EFHD1: variants seen among roughly 807,000 people sequenced by gnomAD.
The protein encoded by EFHD1 is EF-hand domain family member D1.
In EFHD1, 10 loss-of-function variants were observed where a neutral mutation model predicts 17.2. That is an observed-to-expected ratio of 0.58 (90% CI 0.36 to 0.99). The LOEUF is 0.99. Among genes scored for constraint, EFHD1 ranks in the 50% least tolerant of loss-of-function variants. The probability of loss-of-function intolerance (pLI) is 0.01; values close to 1 mark genes in which losing one functional copy is unlikely to be tolerated. For synonymous variants in EFHD1, 153 were observed against 142.0 expected, an observed-to-expected ratio of 1.08 and a Z score of -0.55; for missense variants, 310 against 327.5, an observed-to-expected ratio of 0.95 and a Z score of 0.41.
intron 1 of EFHD1, among the ~76,000 whole-genome samples, chr2:232,646,120 C>G (rs1481424390): frequency 6.6e-6 from 1 of 152,212 alleles, no homozygotes. Flanking sequence ...CCGGGCTCAC[C>G]AGAGCCCAAG....
rs1272850256 is a variant in EFHD1 at position 232,682,141 on chromosome 2, TC to T, written c.*425del. On this transcript the variant is annotated 3_prime_UTR_variant, in exon 4 of 4. Coordinates refer to ENST00000264059, the MANE Select transcript of EFHD1 (RefSeq NM_025202.4). ...ACTCCTCTCTGCTTCACATTCAACT[TC>T]CCTGTTCTCATCTTTGGTAGGATTC... is the stretch of plus-strand genomic sequence containing the variant. 1 of 158,464 alleles carries T rather than the reference TC, an allele frequency of 6.3e-6. No individual in the cohort carries two copies. Among genetic ancestry groups the T allele is most frequent in the African/African-American group, 2.4e-5 (1 of 41,542 alleles). The allele number at this position is 158,464 out of a possible 1,614,324, so 9.8% of individuals were successfully genotyped here. A position where few individuals can be genotyped will look rare whatever the true frequency, so the allele number is the denominator to read the frequency against.
At chr2:232,607,390 C>A (rs1163884479) in intron 1 of EFHD1, among the ~76,000 whole-genome samples, 1 of 150,734 alleles carries the variant, frequency 6.6e-6, no homozygotes, top group Non-Finnish European at 1.5e-5. Context: ...GAGTTCAAGA[C>A]CAGCCTGGCC....
chr2:232,614,417 C>G (rs1217320354), intron 1 of EFHD1, among the ~76,000 whole-genome samples: 2 of 152,286 alleles, frequency 1.3e-5, no homozygotes, highest in East Asian at 3.9e-4. Flanking sequence ...TGGAGACAAC[C>G]AGGATGAAGA....
At chr2:232,655,556 G>T (rs1163160687) in intron 1 of EFHD1, among the ~76,000 whole-genome samples, 1 of 152,214 alleles carries the variant, frequency 6.6e-6, no homozygotes, top group East Asian at 1.9e-4. Context: ...CTTTGACTGG[G>T]ACTCCGTGTA....
intron 3 of EFHD1, among the ~76,000 whole-genome samples, chr2:232,674,683 C>G (rs1695138932): frequency 6.6e-6 from 1 of 152,012 alleles, no homozygotes; most frequent in Non-Finnish European, 1.5e-5. Flanking sequence ...TATAATGGCC[C>G]TCAATAAACA....
intron 3 of EFHD1, among the ~76,000 whole-genome samples, chr2:232,677,061 T>C (rs1228272979): frequency 6.6e-6 from 1 of 151,950 alleles, no homozygotes; most frequent in Non-Finnish European, 1.5e-5. Context: ...TCCCTGCCTC[T>C]AGGGATTATA....
chr2:232,656,513 C>T (rs555628186), intron 1 of EFHD1, among the ~76,000 whole-genome samples: 2 of 151,524 alleles, frequency 1.3e-5, no homozygotes, highest in South Asian at 2.1e-4. Flanking sequence ...CAGCTCATTG[C>T]AGCCTCGACC....
chr2:232,676,005 A>G (rs1178019222), intron 3 of EFHD1, among the ~76,000 whole-genome samples: 1 of 152,032 alleles, frequency 6.6e-6, no homozygotes, highest in Admixed American at 6.6e-5. Context: ...GTGAAACCCC[A>G]TCTCTACTAA....
chr2:232,673,554 CT>C (rs1695117185), intron 3 of EFHD1, among the ~76,000 whole-genome samples: 1 of 152,148 alleles, frequency 6.6e-6, no homozygotes, highest in Admixed American at 6.6e-5. Flanking sequence ...ACCCAAATGC[CT>C]CTGCCTAGAA....
upstream of EFHD1, chr2:232,633,323 C>A: frequency 2.8e-6 from 1 of 360,924 alleles, no homozygotes; most frequent in Non-Finnish European, 4.1e-6. Context: ...TTTCCCGCTA[C>A]GGTTTTCCCC....
intron 1 of EFHD1, among the ~76,000 whole-genome samples, chr2:232,637,634 G>A (rs75399765): frequency 0.078 from 11,911 of 152,038 alleles, 1,093 homozygotes; most frequent in East Asian, 0.24. Flanking sequence ...GTGAGCCACC[G>A]CGCCTGGCTT....
At chr2:232,628,299 G>C (rs1361436007) in intron 1 of EFHD1, among the ~76,000 whole-genome samples, 1 of 152,120 alleles carries the variant, frequency 6.6e-6, no homozygotes, top group Non-Finnish European at 1.5e-5. Context: ...GACCTCAGAT[G>C]ATCTACCTAC....
intron 1 of EFHD1, among the ~76,000 whole-genome samples, chr2:232,606,913 TTAAAA>T (rs1693724411): frequency 7.5e-6 from 1 of 133,854 alleles, no homozygotes. Flanking sequence ...AAAATAAAAA[TTAAAA>T]AAAAATAAAG....
At chr2:232,618,418 T>C (rs1479265486) in intron 1 of EFHD1, among the ~76,000 whole-genome samples, 1 of 152,182 alleles carries the variant, frequency 6.6e-6, no homozygotes, top group Non-Finnish European at 1.5e-5. Context: ...CTCAACGTTA[T>C]TAGTCATTAA....
At chr2:232,661,159 AAAAAC>A (rs1400774472) in intron 1 of EFHD1, among the ~76,000 whole-genome samples, 2 of 61,406 alleles carry the variant, frequency 3.3e-5, no homozygotes, top group Non-Finnish European at 1.1e-4. Flanking sequence ...AAAAAAAAAC[AAAAAC>A]AAAAAAACAA....
At position 232,677,207 on chromosome 2, in the gene EFHD1, T is replaced by TACACACACACACAC. The variant is rs61607311; in HGVS notation, c.586-4357_586-4344dup. On this transcript the variant is annotated intron_variant, in intron 3 of 3. Coordinates refer to ENST00000264059, the MANE Select transcript of EFHD1 (RefSeq NM_025202.4). ...GGGCAACATGGCAAGACCCCATCTC[T>TACACACACACACAC]ACACACACACACACACACACACACA... Among the ~76,000 whole-genome samples the TACACACACACACAC allele has an allele frequency of 1.9e-3, 245 of 131,356 alleles. 1 individual carries two copies. The highest frequency in any genetic ancestry group is 6.7e-3 in the African/African-American group (221 of 32,968). The allele number at this position is 131,356 out of a possible 152,430, so 86.2% of individuals were successfully genotyped here. A position where few individuals can be genotyped will look rare whatever the true frequency, so the allele number is the denominator to read the frequency against.
intron 1 of EFHD1, among the ~76,000 whole-genome samples, chr2:232,645,637 AATGGCTGACTTC>A (rs1462071639): frequency 6.6e-6 from 1 of 152,018 alleles, no homozygotes; most frequent in Non-Finnish European, 1.5e-5. Flanking sequence ...TCCACCCTAT[AATGGCTGACTTC>A]ATGGATCATT....
At chr2:232,629,012 AG>A (rs550104119), upstream of EFHD1, among the ~76,000 whole-genome samples, 131 of 152,274 alleles carry the variant, frequency 8.6e-4, no homozygotes, top group African/African-American at 3.1e-3. Context: ...GCCCCAGTGA[AG>A]GGCCCAGCTG....
rs1314824303 is a variant in EFHD1 at position 232,663,099 on chromosome 2, G to C, written c.450+150G>C. The C allele has an allele frequency of 7.6e-6, 7 of 917,862 alleles. No homozygotes were observed. In the East Asian group the frequency reaches 2.3e-4, roughly 30 times the overall value. The allele number at this position is 917,862 out of a possible 1,614,324, so 56.9% of individuals were successfully genotyped here. On this transcript the variant is annotated intron_variant, in intron 2 of 3. Transcript: ENST00000264059. ...ATTCCGCTTTCAAAAATACCTTTTA[G>C]GTGACAGCTAACCCCAGTGCTGGCC...
Sources: allele counts gnomAD v4.1 joint callset (sites outside exome capture counted in the v4.1 genomes callset), GRCh38; gene constraint gnomAD v4.1.1; transcripts MANE v1.5; gene names NCBI Gene and HGNC (gene_info 2026-07-23, HGNC 2026-07-21).